The following PTPRK variants were observed in gnomAD, a reference collection of about 807,000 sequenced individuals.
The protein encoded by PTPRK is receptor-type tyrosine-protein phosphatase kappa.
Under a neutral mutation model 178.0 loss-of-function variants are expected in PTPRK, and 75 were observed. That is an observed-to-expected ratio of 0.42 (90% CI 0.35 to 0.51). The LOEUF is 0.51. Ranked by LOEUF, PTPRK falls within the 20% of genes least tolerant of loss-of-function variation. PTPRK has a pLI of 0.02. For synonymous variants in PTPRK, 637 were observed against 620.6 expected, an observed-to-expected ratio of 1.03 and a Z score of -0.39; for missense variants, 1,441 against 1,797.8, an observed-to-expected ratio of 0.80 and a Z score of 3.59.
chr6:128,385,343 A>C (rs1052582305), intron 2 of PTPRK, among the ~76,000 whole-genome samples: 5 of 152,116 alleles, frequency 3.3e-5, no homozygotes, highest in African/African-American at 1.2e-4. Flanking sequence ...CAATAAAAAT[A>C]ATTAAATTTG....
chr6:128,261,620 T>C lies in PTPRK; in HGVS notation c.496-19018A>G, dbSNP rs145458620. ...TCTGCCACAAGAAAAATGTTCTGTA[T>C]CTGTCTACATAGTAGCCACTAACCA... On this transcript the variant is annotated intron_variant, in intron 3 of 29. Coordinates refer to ENST00000368226, the MANE Select transcript of PTPRK (RefSeq NM_002844.4). Among the ~76,000 whole-genome samples, 231 of 152,286 alleles carry C rather than the reference T, an allele frequency of 1.5e-3. 2 individuals are homozygous for C. Among genetic ancestry groups the C allele is most frequent in the African/African-American group, 5.4e-3 (223 of 41,552 alleles).
At chr6:128,296,244 T>C (rs183726338) in intron 3 of PTPRK, among the ~76,000 whole-genome samples, 143 of 152,114 alleles carry the variant, frequency 9.4e-4, no homozygotes, top group African/African-American at 3.3e-3. Context: ...TTCTAGTAGA[T>C]ACCTATTCAG....
intron 6 of PTPRK, among the ~76,000 whole-genome samples, chr6:128,196,170 T>TG (rs1389317713): frequency 6.6e-6 from 1 of 152,034 alleles, no homozygotes; most frequent in African/African-American, 2.4e-5. Context: ...GGCTTAATGA[T>TG]GGGGGAAGAA....
chr6:128,410,205 T>C (rs769212157), intron 1 of PTPRK, among the ~76,000 whole-genome samples: 49 of 152,196 alleles, frequency 3.2e-4, no homozygotes, highest in Non-Finnish European at 6.5e-4. Flanking sequence ...TAAGATTCTT[T>C]CATGAAATGC....
intron 1 of PTPRK, among the ~76,000 whole-genome samples, chr6:128,411,947 A>G (rs1421345074): frequency 1.3e-5 from 2 of 152,206 alleles, no homozygotes; most frequent in African/African-American, 4.8e-5. Flanking sequence ...ATATTTTGCT[A>G]ATGATCTAAA....
intron 14 of PTPRK, among the ~76,000 whole-genome samples, chr6:128,005,521 A>G (rs536668518): frequency 1.0e-4 from 15 of 150,544 alleles, no homozygotes; most frequent in Admixed American, 2.6e-4. Flanking sequence ...ATAAAATATA[A>G]TTATATTTAT....
At chr6:128,113,298 C>T (rs1030709218) in intron 7 of PTPRK, among the ~76,000 whole-genome samples, 1 of 151,394 alleles carries the variant, frequency 6.6e-6, no homozygotes, top group Non-Finnish European at 1.5e-5. Context: ...AAGAATTATA[C>T]CAGTGTTAAC....
intron 7 of PTPRK, among the ~76,000 whole-genome samples, chr6:128,180,292 T>G (rs554222459): frequency 6.6e-5 from 10 of 151,514 alleles, no homozygotes; most frequent in Non-Finnish European, 1.2e-4. Context: ...CCAGAGGAAA[T>G]AGACACACAG....
At chr6:128,442,228 G>A (rs113624337) in intron 1 of PTPRK, among the ~76,000 whole-genome samples, 9 of 152,198 alleles carry the variant, frequency 5.9e-5, no homozygotes, top group Admixed American at 3.9e-4. Flanking sequence ...TTCCCTGCAC[G>A]CTGTCAGGTT....
intron 3 of PTPRK, among the ~76,000 whole-genome samples, chr6:128,286,564 A>G (rs986147254): frequency 1.3e-5 from 2 of 152,148 alleles, no homozygotes; most frequent in Non-Finnish European, 2.9e-5. Context: ...CACACAGCAC[A>G]TATTTTTAAT....
intron 3 of PTPRK, among the ~76,000 whole-genome samples, chr6:128,256,554 C>T (rs770674777): frequency 1.3e-5 from 2 of 151,786 alleles, no homozygotes; most frequent in Non-Finnish European, 2.9e-5. Context: ...ACTTCTGCCT[C>T]AGCCTCCCGA....
At chr6:128,248,334 T>C (rs142561273) in intron 3 of PTPRK, among the ~76,000 whole-genome samples, 1 of 152,322 alleles carries the variant, frequency 6.6e-6, no homozygotes, top group Non-Finnish European at 1.5e-5. Context: ...TCACATAAAA[T>C]TGAATTCTAC....
At chr6:128,113,480 GA>G (rs1404200144) in intron 7 of PTPRK, among the ~76,000 whole-genome samples, 1 of 150,730 alleles carries the variant, frequency 6.6e-6, no homozygotes, top group Non-Finnish European at 1.5e-5. Context: ...AAAATATTTG[GA>G]AAAAAATTAA....
chr6:128,092,407 G>A (rs918455876), intron 7 of PTPRK, among the ~76,000 whole-genome samples: 26 of 152,036 alleles, frequency 1.7e-4, no homozygotes, highest in African/African-American at 5.8e-4. Flanking sequence ...TTTGAGCTGC[G>A]TGGAATTAAT....
At chr6:128,445,786 C>T (rs1846932206) in intron 1 of PTPRK, among the ~76,000 whole-genome samples, 1 of 152,146 alleles carries the variant, frequency 6.6e-6, no homozygotes, top group African/African-American at 2.4e-5. Context: ...TGCTTACTGT[C>T]ATTGGTGGAG....
chr6:128,449,752 A>G (rs1003875736), intron 1 of PTPRK, among the ~76,000 whole-genome samples: 2 of 152,138 alleles, frequency 1.3e-5, no homozygotes, highest in African/African-American at 4.8e-5. Flanking sequence ...TTTTGCCCAT[A>G]TGCTTACTTT....
At chr6:128,184,251 A>C in intron 7 of PTPRK, among the ~76,000 whole-genome samples, 181 bp downstream of exon 7, 1 of 152,182 alleles carries the variant, frequency 6.6e-6, no homozygotes, top group Admixed American at 6.5e-5. Context: ...AAGCACTCCC[A>C]TGTCCTCAAA....
At chr6:128,299,447 C>T (rs1009461151) in intron 3 of PTPRK, among the ~76,000 whole-genome samples, 275 of 152,134 alleles carry the variant, frequency 1.8e-3, no homozygotes, top group Non-Finnish European at 2.3e-3. Context: ...AAGCTGGAGG[C>T]ATCATGCTAC....
Position 128,203,608 on chromosome 6 carries a change from C to T in PTPRK, c.868+15314G>A, listed in dbSNP as rs912350921. Among the ~76,000 whole-genome samples, 5 of 152,264 alleles carry T rather than the reference C, an allele frequency of 3.3e-5. No homozygotes were observed. In the East Asian group the frequency reaches 9.6e-4, roughly 29 times the overall value. On this transcript the variant is annotated intron_variant, in intron 6 of 29. Transcript: ENST00000368226. ...CAGGATAATCAATGTGAAAAAATTG[C>T]TAGCAGTCCTATACCCCAACAAGAG...
Sources: gnomAD v4.1 joint callset for allele counts (sites outside exome capture counted in the v4.1 genomes callset) on GRCh38, gnomAD v4.1.1 for gene constraint, MANE v1.5 for transcripts, NCBI Gene and HGNC (gene_info 2026-07-23, HGNC 2026-07-21) for gene names.